Variants in TMEM217 observed in about 807,000 individuals in gnomAD.
The protein encoded by TMEM217 is transmembrane protein 217, also known as chromosome 6 open reading frame 128.
For synonymous variants in TMEM217, 76 were observed against 88.3 expected (o/e 0.86, Z 0.78); for missense variants, 204 against 248.8 (o/e 0.82, Z 1.21).
chr6:37,229,511 T>G (rs1764073366), intron 1 of TMEM217, among the ~76,000 whole-genome samples: 2 of 151,562 alleles, frequency 1.3e-5, no homozygotes, highest in African/African-American at 2.4e-5. Context: ...CCCGGCTAAT[T>G]TTTTGTATTT....
intron 1 of TMEM217, among the ~76,000 whole-genome samples, chr6:37,222,980 A>G (rs1385154666): frequency 6.6e-6 from 1 of 152,266 alleles, no homozygotes; most frequent in Non-Finnish European, 1.5e-5. Context: ...TCAGTATCTG[A>G]AATTAAAAAT....
chr6:37,233,982 G>C (rs1764349028), intron 1 of TMEM217, among the ~76,000 whole-genome samples: 1 of 152,026 alleles, frequency 6.6e-6, no homozygotes, highest in African/African-American at 2.4e-5. Context: ...TTATAAAATA[G>C]TCTTTGTATT....
intron 1 of TMEM217, among the ~76,000 whole-genome samples, chr6:37,246,817 T>C (rs1383912876): frequency 1.3e-5 from 2 of 151,702 alleles, no homozygotes; most frequent in East Asian, 3.9e-4. Context: ...GTGGAAGGAC[T>C]GCTTGAGCAT....
chr6:37,254,871 G>T (rs1765628991), intron 1 of TMEM217, among the ~76,000 whole-genome samples: 2 of 152,096 alleles, frequency 1.3e-5, no homozygotes, highest in Admixed American at 1.3e-4. Flanking sequence ...TTTTGGGGGA[G>T]GGGGGTTAAA....
intron 1 of TMEM217, among the ~76,000 whole-genome samples, chr6:37,239,720 A>G (rs1201543266): frequency 6.6e-6 from 1 of 152,018 alleles, no homozygotes; most frequent in Non-Finnish European, 1.5e-5. Context: ...TTTCAGATGG[A>G]TCTCTTGCAA....
At position 37,256,984 on chromosome 6, in the gene TMEM217, A is replaced by G. The variant is rs186027507; in HGVS notation, c.-12+584T>C. Among the ~76,000 whole-genome samples, 11 of 152,370 alleles carry G rather than the reference A, an allele frequency of 7.2e-5. 1 individual carries two copies. The East Asian group carries it at 1.5e-3, about 21-fold the overall frequency. ...AATTCAAGGGTGCAAGATTTATAAT[A>G]GATTAACAAGGGAAATTAAGGATGT... is the stretch of plus-strand genomic sequence containing the variant. On this transcript the variant is annotated intron_variant, in intron 1 of 1. Coordinates refer to ENST00000357219, the Ensembl canonical transcript of TMEM217.
At chr6:37,229,719 A>G (rs1322460247) in intron 1 of TMEM217, among the ~76,000 whole-genome samples, 1 of 152,178 alleles carries the variant, frequency 6.6e-6, no homozygotes, top group Non-Finnish European at 1.5e-5. Context: ...ACAGCCATCT[A>G]TAGATTTAAT....
At chr6:37,242,342 T>G (rs1487153692) in intron 1 of TMEM217, among the ~76,000 whole-genome samples, 1 of 152,190 alleles carries the variant, frequency 6.6e-6, no homozygotes, top group African/African-American at 2.4e-5. Context: ...AAATTCCACA[T>G]GCTGTAGAAA....
At chr6:37,217,634 T>C (rs1199461296), downstream of TMEM217, 5 of 985,310 alleles carry the variant, frequency 5.1e-6, no homozygotes, top group Non-Finnish European at 6.0e-6. Flanking sequence ...GAGACATAAA[T>C]TGAAGGATGA....
chr6:37,230,496 G>A lies in TMEM217; in HGVS notation c.-11-11455C>T, dbSNP rs151077998. ...TAAAGAGGTAATTAAGTTAAAATTAGGTCATTAGTGTCAGACCTAATCTGA... is the reference window on the plus strand; with the variant it reads ...TAAAGAGGTAATTAAGTTAAAATTAAGTCATTAGTGTCAGACCTAATCTGA... On this transcript the variant is annotated intron_variant, in intron 1 of 1. Transcript: ENST00000357219. Among the ~76,000 whole-genome samples, 751 of 152,184 alleles carry A rather than the reference G, an allele frequency of 4.9e-3. 9 individuals carry two copies. The highest frequency in any genetic ancestry group is 0.017 in the African/African-American group (690 of 41,490).
At chr6:37,245,486 C>T (rs190354748) in intron 1 of TMEM217, among the ~76,000 whole-genome samples, 10 of 152,322 alleles carry the variant, frequency 6.6e-5, no homozygotes, top group Admixed American at 6.5e-4. Context: ...ATTTTATTAG[C>T]AGAGCCCACA....
exon 2 of TMEM217, chr6:37,218,890 T>G (rs756642628): frequency 6.2e-7 from 1 of 1,614,162 alleles, no homozygotes; most frequent in Non-Finnish European, 8.5e-7. Context: ...CCCTGTACTT[T>G]GGTGTGATCT....
intron 1 of TMEM217, among the ~76,000 whole-genome samples, chr6:37,254,722 A>G (rs2113940247): frequency 6.6e-6 from 1 of 152,306 alleles, no homozygotes. Flanking sequence ...TGTTCCAAAC[A>G]CTATTCTAGG....
intron 1 of TMEM217, among the ~76,000 whole-genome samples, chr6:37,245,191 CA>C (rs1257460185): frequency 6.6e-6 from 1 of 152,218 alleles, no homozygotes; most frequent in Non-Finnish European, 1.5e-5. Flanking sequence ...ACCAATCTAC[CA>C]TACTATGTTC....
chr6:37,219,038 C>A, exon 2 of TMEM217: 1 of 1,609,144 alleles, frequency 6.2e-7, no homozygotes, highest in Admixed American at 1.7e-5. Flanking sequence ...CATGCTGAGA[C>A]CTCCTGTGAA....
chr6:37,253,727 C>T (rs1368653542), intron 1 of TMEM217, among the ~76,000 whole-genome samples: 13 of 152,300 alleles, frequency 8.5e-5, no homozygotes, highest in Non-Finnish European at 2.9e-5. Flanking sequence ...TGCCAGGGAT[C>T]TCTCTGTAAG....
chr6:37,255,968 G>C (rs1034896976), intron 1 of TMEM217, among the ~76,000 whole-genome samples: 1 of 152,206 alleles, frequency 6.6e-6, no homozygotes, highest in African/African-American at 2.4e-5. Flanking sequence ...GTTGAGCACT[G>C]TTAACTACAC....
chr6:37,212,510 C>A lies in TMEM217; in HGVS notation c.*487G>T, dbSNP rs1157605756. On this transcript the variant is annotated 3_prime_UTR_variant, in exon 4 of 4. Transcript: ENST00000336655. ...AGCCTGTGGCGGCGTTTCCTGCCCA[C>A]AGTCTGGGATTCCTTGTAAAGGTTG... 6.6e-6 allele frequency: 3 copies of A among 457,178 alleles called. No individual in the cohort carries two copies. The Admixed American group carries it at 7.0e-5, about 11-fold the overall frequency. The allele number at this position is 457,178 out of a possible 1,614,324, so 28.3% of individuals were successfully genotyped here. A position where few individuals can be genotyped will look rare whatever the true frequency, so the allele number is the denominator to read the frequency against.
chr6:37,233,323 T>C (rs1185694892), intron 1 of TMEM217, among the ~76,000 whole-genome samples: 1 of 152,214 alleles, frequency 6.6e-6, no homozygotes, highest in African/African-American at 2.4e-5. Flanking sequence ...TTCTGATCCA[T>C]CTTAGTCCAT....
Sources: allele counts gnomAD v4.1 joint callset (sites outside exome capture counted in the v4.1 genomes callset), GRCh38; gene constraint gnomAD v4.1.1; transcripts MANE v1.5; gene names NCBI Gene and HGNC (gene_info 2026-07-23, HGNC 2026-07-21).